The following RNF17 variants were observed in gnomAD, a reference collection of about 807,000 sequenced individuals.
RNF17 encodes the protein ring finger protein 17.
RNF17 carries 31 observed loss-of-function variants against 200.5 expected under a neutral mutation model. That is an observed-to-expected ratio of 0.15 (90% CI 0.12 to 0.21). The LOEUF (loss-of-function observed/expected upper bound fraction) is 0.21. Among genes scored for constraint, RNF17 ranks in the 10% least tolerant of loss-of-function variants. The pLI is 1.00. For missense variants in RNF17, 1,628 were observed against 1,905.1 expected (o/e 0.85, Z 2.71); for synonymous variants, 606 against 637.8 (o/e 0.95, Z 0.75).
Position 24,879,170 on chromosome 13 carries a change from G to C in RNF17, c.4774-17G>C, listed in dbSNP as rs761959288. On this transcript the variant is annotated splice_polypyrimidine_tract_variant and intron_variant, in intron 34 of 35. Coordinates refer to ENST00000255324, the MANE Select transcript of RNF17 (RefSeq NM_031277.3). ...AGACATTACTGTTTTCTTGACAACTGTATCTTTTAATTTTAGGCTCCAGCA... is the reference window on the plus strand; with the variant it reads ...AGACATTACTGTTTTCTTGACAACTCTATCTTTTAATTTTAGGCTCCAGCA... 1.0e-5 allele frequency: 16 copies of C among 1,587,352 alleles called. No individual in the cohort carries two copies. The highest frequency in any genetic ancestry group is 5.0e-5 in the Admixed American group (3 of 59,932).
chr13:24,854,510 A>C (rs1439719025), intron 25 of RNF17, among the ~76,000 whole-genome samples: 1 of 151,974 alleles, frequency 6.6e-6, no homozygotes, highest in Non-Finnish European at 1.5e-5. Context: ...CATTAAAGTA[A>C]AGAACATACC....
chr13:24,836,669 G>A (rs1041282481), intron 18 of RNF17, among the ~76,000 whole-genome samples: 4 of 152,066 alleles, frequency 2.6e-5, no homozygotes, highest in African/African-American at 9.7e-5. Flanking sequence ...GAGAGAATTC[G>A]CCATTACCAA....
At chr13:24,808,379 C>G (rs570216585) in intron 15 of RNF17, among the ~76,000 whole-genome samples, 12 of 150,470 alleles carry the variant, frequency 8.0e-5, no homozygotes, top group African/African-American at 9.8e-5. Flanking sequence ...AAGTTGGATT[C>G]CTAGGTATTT....
the RNF17 span, chr13:24,885,179 T>C: frequency 1.2e-6 from 1 of 818,248 alleles, no homozygotes; most frequent in Non-Finnish European, 2.0e-6. Flanking sequence ...AAAGGCATCT[T>C]GTCCAAAGAG....
chr13:24,760,365 T>C (rs1566100544), upstream of RNF17, among the ~76,000 whole-genome samples: 2 of 152,162 alleles, frequency 1.3e-5, no homozygotes, highest in African/African-American at 4.8e-5. Flanking sequence ...AAAGAAATGT[T>C]AACAGAGAAT....
rs545145509 is a variant in RNF17, at chr13:24,787,968, C to T, written c.612-20C>T. 5 of 1,518,942 alleles carry T rather than the reference C, an allele frequency of 3.3e-6. No individual in the cohort carries two copies. In the East Asian group the frequency reaches 7.0e-5, roughly 21 times the overall value. The allele number at this position is 1,518,942 out of a possible 1,614,324, so 94.1% of individuals were successfully genotyped here. ...ATATTTATGAAATACTGCAAAATAA[C>T]TTTGGAATCTTAAATGAAGGAAAAA... On this transcript the variant is annotated intron_variant, in intron 6 of 35. Coordinates refer to ENST00000255324, the MANE Select transcript of RNF17 (RefSeq NM_031277.3).
intron 6 of RNF17, among the ~76,000 whole-genome samples, chr13:24,787,088 A>G (rs1382005189): frequency 6.6e-6 from 1 of 151,922 alleles, no homozygotes; most frequent in African/African-American, 2.4e-5. Flanking sequence ...TGCCTGTCCA[A>G]ATCTGCAGTA....
intron 33 of RNF17, among the ~76,000 whole-genome samples, chr13:24,876,627 A>C (rs1894883688): frequency 6.9e-6 from 1 of 145,614 alleles, no homozygotes; most frequent in Admixed American, 6.8e-5. Flanking sequence ...AGTAGGTGTG[A>C]GGTGGAGTCT....
intron 33 of RNF17, 105 bp from the exon 34 acceptor site, chr13:24,876,892 A>T: frequency 1.1e-6 from 1 of 903,156 alleles, no homozygotes; most frequent in Non-Finnish European, 1.6e-6. Flanking sequence ...CAAAAAAATC[A>T]CTGCAAAATC....
At chr13:24,885,839 C>G in the RNF17 span, 3 of 621,886 alleles carry the variant, frequency 4.8e-6, no homozygotes, top group Non-Finnish European at 8.7e-6. Context: ...GACACAGGTA[C>G]TTAAGTCCTA....
intron 15 of RNF17, among the ~76,000 whole-genome samples, chr13:24,810,987 T>C (rs1403368173): frequency 1.3e-5 from 2 of 152,022 alleles, no homozygotes; most frequent in African/African-American, 2.4e-5. Flanking sequence ...TCTTCTGGCT[T>C]GTAGAGTTTC....
At chr13:24,760,776 G>C (rs76395281), upstream of RNF17, among the ~76,000 whole-genome samples, 11,660 of 152,152 alleles carry the variant, frequency 0.077, 521 homozygotes, top group East Asian at 0.15. Flanking sequence ...CAACTCAGTA[G>C]GAAGAAAACA....
intron 18 of RNF17, among the ~76,000 whole-genome samples, chr13:24,838,131 C>A (rs1355958505): frequency 6.6e-6 from 1 of 152,048 alleles, no homozygotes; most frequent in Non-Finnish European, 1.5e-5. Flanking sequence ...ACCCTCCTAG[C>A]TTAAATCAGG....
At chr13:24,881,604 C>G (rs1479704152), downstream of RNF17, among the ~76,000 whole-genome samples, 5 of 151,000 alleles carry the variant, frequency 3.3e-5, no homozygotes, top group Admixed American at 3.3e-4. Context: ...ATATATCTAT[C>G]TAGATTACAT....
chr13:24,835,929 AG>A (rs1322073379), intron 18 of RNF17, among the ~76,000 whole-genome samples: 2 of 152,330 alleles, frequency 1.3e-5, no homozygotes, highest in African/African-American at 4.8e-5. Context: ...TAAGAAGTGA[AG>A]GGAGAAATAT....
the RNF17 span, chr13:24,751,664 T>C: frequency 9.9e-5 from 15 of 152,264 alleles, no homozygotes; most frequent in African/African-American, 1.4e-4. Flanking sequence ...ACACAGTTGT[T>C]TGAAAATGCT....
the RNF17 span, among the ~76,000 whole-genome samples, chr13:24,755,460 T>C: frequency 2.0e-5 from 3 of 152,218 alleles, no homozygotes; most frequent in Non-Finnish European, 4.4e-5. Flanking sequence ...ATAATATGTA[T>C]ATGGGAAAAC....
intron 17 of RNF17, 129 bp from the exon 18 acceptor site, chr13:24,831,725 ATTAT>A (rs933763356): frequency 2.6e-6 from 2 of 772,964 alleles, no homozygotes; most frequent in African/African-American, 1.8e-5. Context: ...ACCTTCACAC[ATTAT>A]TTGATTATTT....
intron 18 of RNF17, among the ~76,000 whole-genome samples, chr13:24,834,310 G>A (rs1198174122): frequency 6.6e-6 from 1 of 152,108 alleles, no homozygotes; most frequent in Non-Finnish European, 1.5e-5. Flanking sequence ...CAGCTACTTG[G>A]AGGCTGAGGC....
Sources: gnomAD v4.1 joint callset for allele counts (sites outside exome capture counted in the v4.1 genomes callset) on GRCh38, gnomAD v4.1.1 for gene constraint, MANE v1.5 for transcripts, NCBI Gene and HGNC (gene_info 2026-07-23, HGNC 2026-07-21) for gene names.